Variants in ARHGAP15 observed in about 807,000 individuals in gnomAD.
ARHGAP15 encodes the protein rho GTPase-activating protein 15.
Under a neutral mutation model 63.7 loss-of-function variants are expected in ARHGAP15, and 51 were observed. The ratio of observed to expected loss-of-function variants is 0.80; its 90% CI spans 0.64 to 1.01. The LOEUF is 1.01. Among genes scored for constraint, ARHGAP15 ranks in the 50% least tolerant of loss-of-function variants. The pLI is 0.00. For missense variants in ARHGAP15, 560 were observed against 564.6 expected (o/e 0.99, Z 0.08); for synonymous variants, 191 against 193.8 (o/e 0.99, Z 0.12).
At chr2:143,432,063 T>C (rs537243192) in intron 6 of ARHGAP15, among the ~76,000 whole-genome samples, 5 of 152,190 alleles carry the variant, frequency 3.3e-5, no homozygotes, top group African/African-American at 1.2e-4. Context: ...TTATTATTTA[T>C]AAAAGATTGG....
At chr2:143,332,392 T>G (rs1169777933) in intron 6 of ARHGAP15, among the ~76,000 whole-genome samples, 1 of 152,150 alleles carries the variant, frequency 6.6e-6, no homozygotes, top group Non-Finnish European at 1.5e-5. Context: ...AAAAAATGCT[T>G]AATAAGATCT....
At chr2:143,590,335 A>G (rs1697272534) in intron 11 of ARHGAP15, among the ~76,000 whole-genome samples, 1 of 152,224 alleles carries the variant, frequency 6.6e-6, no homozygotes, top group Non-Finnish European at 1.5e-5. Context: ...ATTACAGCAC[A>G]AAGCTACCTT....
chr2:143,263,806 C>T (rs1052045218), intron 6 of ARHGAP15, among the ~76,000 whole-genome samples: 2 of 151,832 alleles, frequency 1.3e-5, no homozygotes, highest in South Asian at 4.2e-4. Context: ...CTCAGGCTAC[C>T]CTCCTCTCAA....
intron 6 of ARHGAP15, among the ~76,000 whole-genome samples, chr2:143,262,558 T>TTTTTTTTTTTTTTTTG (rs1316090737): frequency 6.7e-6 from 1 of 149,658 alleles, no homozygotes; most frequent in Non-Finnish European, 1.5e-5. Context: ...TTTTTTTTTT[T>TTTTTTTTTTTTTTTTG]TACTTTGTCA....
intron 1 of ARHGAP15, 67 bp from the exon 2 acceptor site, chr2:143,155,410 C>T (rs1333981876): frequency 8.9e-6 from 12 of 1,355,082 alleles, no homozygotes; most frequent in Non-Finnish European, 1.2e-5. Context: ...ACTAGGGACA[C>T]TCCATCAAGA....
chr2:143,494,288 C>G (rs548788554), intron 9 of ARHGAP15, among the ~76,000 whole-genome samples: 19 of 152,106 alleles, frequency 1.2e-4, no homozygotes, highest in Admixed American at 8.5e-4. Context: ...TTTTGTTCCC[C>G]AATATTTATA....
At chr2:143,445,032 T>A (rs1690065663) in intron 8 of ARHGAP15, among the ~76,000 whole-genome samples, 1 of 151,972 alleles carries the variant, frequency 6.6e-6, no homozygotes, top group African/African-American at 2.4e-5. Context: ...ACAAAATTAA[T>A]TGGCCTAAAA....
chr2:143,529,900 ATC>A (rs1334851949), intron 10 of ARHGAP15, among the ~76,000 whole-genome samples: 1 of 152,262 alleles, frequency 6.6e-6, no homozygotes, highest in Non-Finnish European at 1.5e-5. Context: ...TTGTTTCATT[ATC>A]TGTTTCCCTA....
At chr2:143,736,250 A>G (rs1685740380) in intron 13 of ARHGAP15, among the ~76,000 whole-genome samples, 1 of 152,148 alleles carries the variant, frequency 6.6e-6, no homozygotes, top group Non-Finnish European at 1.5e-5. Flanking sequence ...ACAAAAAATT[A>G]GCCGGGCATG....
intron 9 of ARHGAP15, among the ~76,000 whole-genome samples, chr2:143,492,580 A>T (rs942539028): frequency 1.9e-4 from 27 of 140,356 alleles, no homozygotes; most frequent in African/African-American, 7.0e-4. Context: ...CACGATAAAG[A>T]GACCCTGTCT....
intron 5 of ARHGAP15, chr2:143,238,388 A>G (rs545230008): frequency 6.6e-6 from 1 of 152,364 alleles, no homozygotes; most frequent in East Asian, 1.9e-4. Context: ...GGCAAAGGAC[A>G]TGAACAGATA....
chr2:143,526,026 C>CT (rs747852393), intron 10 of ARHGAP15, among the ~76,000 whole-genome samples: 2 of 152,150 alleles, frequency 1.3e-5, no homozygotes, highest in Non-Finnish European at 2.9e-5. Flanking sequence ...TCCAGAGAAA[C>CT]TTACTTATGC....
At chr2:143,321,035 C>T (rs1396941752) in intron 6 of ARHGAP15, among the ~76,000 whole-genome samples, 1 of 152,100 alleles carries the variant, frequency 6.6e-6, no homozygotes, top group East Asian at 1.9e-4. Context: ...ACAGCCACGG[C>T]CCTTGGATAG....
intron 6 of ARHGAP15, among the ~76,000 whole-genome samples, chr2:143,273,643 T>C (rs999214749): frequency 6.6e-6 from 1 of 152,160 alleles, no homozygotes; most frequent in Admixed American, 6.5e-5. Context: ...CATGACATTT[T>C]AAAAAATATT....
intron 6 of ARHGAP15, among the ~76,000 whole-genome samples, chr2:143,354,498 TCTC>T (rs973266104): frequency 6.6e-6 from 1 of 152,002 alleles, no homozygotes; most frequent in African/African-American, 2.4e-5. Flanking sequence ...TTTAATGAGG[TCTC>T]CTCTGCTTGA....
At chr2:143,213,294 A>C (rs1692626162) in intron 3 of ARHGAP15, among the ~76,000 whole-genome samples, 1 of 152,180 alleles carries the variant, frequency 6.6e-6, no homozygotes, top group South Asian at 2.1e-4. Flanking sequence ...TGGGTGGATC[A>C]CCTGAGGTCG....
At chr2:143,621,363 C>A (rs1302885984) in intron 11 of ARHGAP15, among the ~76,000 whole-genome samples, 1 of 147,036 alleles carries the variant, frequency 6.8e-6, no homozygotes, top group African/African-American at 2.4e-5. Context: ...TGCCTGTTAA[C>A]ACCAGGGTAG....
At chr2:143,351,724 A>G (rs963318076) in intron 6 of ARHGAP15, among the ~76,000 whole-genome samples, 3 of 152,094 alleles carry the variant, frequency 2.0e-5, no homozygotes, top group South Asian at 2.1e-4. Context: ...CCATTTTTCA[A>G]TCTTGTGTCT....
intron 1 of ARHGAP15, among the ~76,000 whole-genome samples, chr2:143,148,373 T>C (rs577638906): frequency 6.6e-6 from 1 of 152,178 alleles, no homozygotes; most frequent in African/African-American, 2.4e-5. Flanking sequence ...GCAAAGTCTA[T>C]GTCTCAGAGT....
Sources: gnomAD v4.1 joint callset for allele counts (sites outside exome capture counted in the v4.1 genomes callset) on GRCh38, gnomAD v4.1.1 for gene constraint, MANE v1.5 for transcripts, NCBI Gene and HGNC (gene_info 2026-07-23, HGNC 2026-07-21) for gene names.